PLCE1: variants seen among roughly 807,000 people sequenced by gnomAD.
PLCE1 encodes phospholipase C epsilon 1, also known as 1-phosphatidylinositol 4,5-bisphosphate phosphodiesterase epsilon-1.
A neutral mutation model predicts 242.8 loss-of-function variants in PLCE1; 119 were observed. The observed-to-expected ratio is 0.49, with a 90% CI of 0.42 to 0.57. The LOEUF is 0.57. PLCE1 is among the 20% of genes least tolerant of loss of function. PLCE1 has a pLI of 0.00. For synonymous variants in PLCE1, 945 were observed against 1,017.4 expected, an observed-to-expected ratio of 0.93 and a Z score of 1.35; for missense variants, 2,441 against 2,788.8, an observed-to-expected ratio of 0.88 and a Z score of 2.81.
chr10:94,293,798 T>G (rs1382470235), intron 23 of PLCE1, among the ~76,000 whole-genome samples, 159 bp downstream of exon 23: 2 of 152,216 alleles, frequency 1.3e-5, no homozygotes, highest in Non-Finnish European at 2.9e-5. Flanking sequence ...TAACTTACAC[T>G]TTTAACGTAC....
intron 4 of PLCE1, among the ~76,000 whole-genome samples, chr10:94,215,901 T>C (rs552992111): frequency 2.0e-5 from 3 of 151,944 alleles, no homozygotes; most frequent in South Asian, 4.2e-4. Flanking sequence ...CCAGCCTGGG[T>C]GACAATGAGA....
At chr10:94,254,530 T>C (rs954203354) in intron 10 of PLCE1, among the ~76,000 whole-genome samples, 1 of 152,220 alleles carries the variant, frequency 6.6e-6, no homozygotes, top group African/African-American at 2.4e-5. Context: ...GTATTAGATA[T>C]ACATGGTATA....
chr10:94,210,089 A>G (rs2049283408), intron 4 of PLCE1, among the ~76,000 whole-genome samples: 1 of 151,300 alleles, frequency 6.6e-6, no homozygotes, highest in Non-Finnish European at 1.5e-5. Flanking sequence ...CAAAAAAATG[A>G]TCTTTTTTTT....
chr10:94,246,113 A>G lies in PLCE1; in HGVS notation c.2588A>G (p.Gln863Arg). ...IQADVHQFLLQGATVIHYDQD... is the reference protein window; with the variant it reads ...IQADVHQFLLRGATVIHYDQD... ...GCCGATGTGCACCAGTTCCTGCTGC[A>G]GGGGGCCACGGTCATCCACTACGAC... The change falls in exon 8 of 33, where the codon CAG becomes CGG. Residue 863 changes from glutamine (Q) to arginine (R), a missense_variant. By Grantham distance (43) the Gln-to-Arg change is conservative. Around this residue, in one of 5 missense-constraint regions of PLCE1, gnomAD observed 733 missense variants for 754.2 expected, o/e 0.97. Coordinates refer to ENST00000371380, the MANE Select transcript of PLCE1 (RefSeq NM_016341.4). 1 of 1,614,118 alleles carries G rather than the reference A, an allele frequency of 6.2e-7. No homozygotes were observed. The highest frequency in any genetic ancestry group is 8.5e-7 in the Non-Finnish European group (1 of 1,180,010).
rs71031565 is a variant in PLCE1 at position 94,269,094 on chromosome 10, CTTTTTTTTT to C, written c.4389+75_4389+83del. The C allele has an allele frequency of 2.9e-5, 9 of 313,320 alleles. No individual in the cohort carries two copies. The East Asian group carries it at 3.4e-4, about 12-fold the overall frequency. 19.4% of individuals were successfully genotyped at this position (313,320 alleles called of 1,614,324 possible). Reference sequence around the variant, plus strand: ...ACAAAGAGACATTATCTTCATTTGTCTTTTTTTTTTTTTTTTTTTTTTTTTGAGACGGGT... The same window carrying C: ...ACAAAGAGACATTATCTTCATTTGTCTTTTTTTTTTTTTTTTGAGACGGGT... On this transcript the variant is annotated intron_variant, in intron 17 of 32. Transcript: ENST00000371380.
intron 4 of PLCE1, among the ~76,000 whole-genome samples, chr10:94,216,219 A>G (rs2049520482): frequency 6.6e-6 from 1 of 152,232 alleles, no homozygotes; most frequent in African/African-American, 2.4e-5. Context: ...GATGTCGGAA[A>G]AGGGCAAACC....
chr10:94,071,746 A>T (rs887677743), intron 2 of PLCE1, among the ~76,000 whole-genome samples: 1 of 151,042 alleles, frequency 6.6e-6, no homozygotes, highest in Non-Finnish European at 1.5e-5. Flanking sequence ...TGATTCTCCC[A>T]CCTCAGCCTC....
In PLCE1 at chr10:94,322,006, C is replaced by T. The variant is rs267606953; in HGVS notation, c.6448C>T (p.Arg2150Ter). The change falls in exon 30 of 33, where the codon CGA (arginine) becomes TGA (stop). Residue 2150 changes from arginine (R) to a stop codon, truncating the protein, a stop_gained. Transcript: ENST00000371380. LOFTEE classifies it high-confidence loss of function. ...GCATGATGTTTCTCCAGAGCAACCTCGAACAGTCATCAAAGCACCCCGCGT... is the reference window on the plus strand; with the variant it reads ...GCATGATGTTTCTCCAGAGCAACCTTGAACAGTCATCAAAGCACCCCGCGT... The part of the protein sequence containing the change: ...QVHDVSPEQP[R>*]TVIKAPRVST... 2.5e-6 allele frequency: 4 copies of T among 1,614,042 alleles called. No homozygotes were observed. The highest frequency in any genetic ancestry group is 2.2e-5 in the East Asian group (1 of 44,878).
At chr10:94,249,797 C>T (rs961688745) in intron 8 of PLCE1, among the ~76,000 whole-genome samples, 1 of 151,902 alleles carries the variant, frequency 6.6e-6, no homozygotes, top group African/African-American at 2.4e-5. Context: ...GAGCTTTGGC[C>T]CAAGGTTATC....
intron 9 of PLCE1, 69 bp downstream of exon 9, chr10:94,252,567 T>A: frequency 7.5e-7 from 1 of 1,326,374 alleles, no homozygotes; most frequent in Non-Finnish European, 1.1e-6. Context: ...AACATCACCA[T>A]AAAACACTTA....
intron 2 of PLCE1, among the ~76,000 whole-genome samples, chr10:94,073,620 T>C (rs2044422784): frequency 1.3e-5 from 2 of 152,052 alleles, no homozygotes; most frequent in Non-Finnish European, 2.9e-5. Context: ...CACTTTAGGG[T>C]TTTAAGTCAG....
intron 13 of PLCE1, among the ~76,000 whole-genome samples, chr10:94,261,028 C>G (rs2051277980): frequency 6.6e-6 from 1 of 152,140 alleles, no homozygotes; most frequent in African/African-American, 2.4e-5. Context: ...TTAGGATTCA[C>G]TGTTTGTGTT....
intron 22 of PLCE1, among the ~76,000 whole-genome samples, chr10:94,287,711 G>A (rs1028867878): frequency 1.3e-5 from 2 of 151,458 alleles, no homozygotes; most frequent in African/African-American, 4.9e-5. Flanking sequence ...TATTGTCCTG[G>A]GTTTTTTTCT....
chr10:94,060,653 G>T (rs1051368169), intron 2 of PLCE1, among the ~76,000 whole-genome samples: 1 of 151,584 alleles, frequency 6.6e-6, no homozygotes, highest in Admixed American at 6.6e-5. Flanking sequence ...ATTAACGTTA[G>T]CATGAACCCA....
chr10:94,212,642 C>A (rs1328221613), intron 4 of PLCE1, among the ~76,000 whole-genome samples: 1 of 152,216 alleles, frequency 6.6e-6, no homozygotes, highest in African/African-American at 2.4e-5. Context: ...CCACCCACCT[C>A]AGCCTCCCAA....
rs796370088 is a variant in PLCE1 at position 94,228,688 on chromosome 10, AT to A, written c.1955+1247del. Among the ~76,000 whole-genome samples the A allele has an allele frequency of 5.6e-4, 83 of 149,372 alleles. No homozygotes were observed. In the East Asian group the frequency reaches 0.01, roughly 18 times the overall value. On this transcript the variant is annotated intron_variant, in intron 5 of 32. Transcript: ENST00000371380. ...GGAGATGAAAACTCCCAGAGTTCTAATTTTTTTTTTGTCGTTTTCAACTTTC... is the reference window on the plus strand; with the variant it reads ...GGAGATGAAAACTCCCAGAGTTCTAATTTTTTTTTGTCGTTTTCAACTTTC...
At position 94,265,894 on chromosome 10, in the gene PLCE1, C is replaced by T. The variant is rs1294951284; in HGVS notation, c.4217C>T (p.Ser1406Leu). ...CTCTCATACTATTACATCGAATCTT[C>T]GCACAATACCTACCTCACGGGCCAT... is the stretch of plus-strand genomic sequence containing the variant. ...LPLSYYYIES[S>L]HNTYLTGHQL... The change falls in exon 16 of 33, where the codon TCG (serine) becomes TTG (leucine). Residue 1406 changes from serine to leucine, a missense_variant. Coordinates refer to ENST00000371380, the MANE Select transcript of PLCE1 (RefSeq NM_016341.4). 2 of 1,614,018 alleles carry T rather than the reference C, an allele frequency of 1.2e-6. No homozygotes were observed. The highest frequency in any genetic ancestry group is 1.1e-5 in the South Asian group (1 of 91,082).
At chr10:94,172,799 C>G (rs1217502088) in intron 4 of PLCE1, among the ~76,000 whole-genome samples, 1 of 152,138 alleles carries the variant, frequency 6.6e-6, no homozygotes, top group East Asian at 1.9e-4. Context: ...TATACTCCAG[C>G]CTGGGTGACA....
At chr10:94,177,143 A>G (rs2048152203) in intron 4 of PLCE1, among the ~76,000 whole-genome samples, 1 of 152,242 alleles carries the variant, frequency 6.6e-6, no homozygotes, top group African/African-American at 2.4e-5. Flanking sequence ...AAAATTCCTA[A>G]TACTTTTTGG....
Sources: allele counts gnomAD v4.1 joint callset (sites outside exome capture counted in the v4.1 genomes callset), GRCh38; gene constraint gnomAD v4.1.1; regional missense constraint gnomAD v4.1.1; transcripts MANE v1.5; gene names NCBI Gene and HGNC (gene_info 2026-07-23, HGNC 2026-07-21).